UFL1: variants seen among roughly 807,000 people sequenced by gnomAD.
UFL1 encodes the protein UFM1 specific ligase 1, also known as E3 UFM1-protein ligase 1.
UFL1 carries 78 observed loss-of-function variants against 99.3 expected under a neutral mutation model. That is an observed-to-expected ratio of 0.79 (90% confidence interval 0.65 to 0.95). UFL1 has a LOEUF of 0.95. Ranked by LOEUF, UFL1 falls within the 40% of genes least tolerant of loss-of-function variation. The pLI is 0.00. For missense variants in UFL1, 936 were observed against 937.0 expected, an observed-to-expected ratio of 1.00 and a Z score of 0.01; for synonymous variants, 335 against 322.2, an observed-to-expected ratio of 1.04 and a Z score of -0.42.
chr6:96,536,162 A>G (rs1248959013), intron 7 of UFL1, 82 bp from the exon 8 acceptor site: 1 of 1,326,234 alleles, frequency 7.5e-7, no homozygotes, highest in African/African-American at 1.5e-5. Flanking sequence ...AGAATAAGTA[A>G]ATTATGAAAT....
chr6:96,522,499 G>T (rs1769631590), intron 1 of UFL1, among the ~76,000 whole-genome samples: 1 of 152,190 alleles, frequency 6.6e-6, no homozygotes. Context: ...TGGAGGATGT[G>T]TCCAGAGGAG....
In UFL1 at chr6:96,552,470, T is replaced by TG; in HGVS notation, c.1986-12_1986-11insG. 6.5e-7 allele frequency: 1 copy of TG among 1,529,428 alleles called. No individual in the cohort carries two copies. The highest frequency in any genetic ancestry group is 8.7e-7 in the Non-Finnish European group (1 of 1,148,816). 94.7% of individuals were successfully genotyped at this position (1,529,428 alleles called of 1,614,324 possible). ...TATGATAATGAATTTGTGTGCTTTTTTTTTTTTTTAGACAGATACTGTTCC... is the reference window on the plus strand; with the variant it reads ...TATGATAATGAATTTGTGTGCTTTTTGTTTTTTTTTAGACAGATACTGTTCC... On this transcript the variant is annotated splice_polypyrimidine_tract_variant and intron_variant, in intron 17 of 18. Coordinates refer to ENST00000369278, the MANE Select transcript of UFL1 (RefSeq NM_015323.5).
rs181493222 is a variant in UFL1, at chr6:96,553,955, C to T, written c.*452C>T. On this transcript the variant is annotated 3_prime_UTR_variant, in exon 19 of 19. Transcript: ENST00000369278. ...TCTTTTTTTTTTAAAAGAAACACTT[C>T]TGTGTCAGAAATGAAAATAAATCAT... 6.6e-6 allele frequency: 1 copy of T among 151,862 alleles called. No homozygotes were observed. The highest frequency in any genetic ancestry group is 1.5e-5 in the Non-Finnish European group (1 of 68,096). The allele number at this position is 151,862 out of a possible 1,614,324, so 9.4% of individuals were successfully genotyped here.
chr6:96,537,632 A>T, intron 9 of UFL1, 83 bp downstream of exon 9: 1 of 1,350,204 alleles, frequency 7.4e-7, no homozygotes, highest in South Asian at 1.7e-5. Flanking sequence ...AAATTAGGAT[A>T]CATAAAGGTG....
intron 6 of UFL1, among the ~76,000 whole-genome samples, chr6:96,530,840 T>A (rs867585873): frequency 6.6e-6 from 1 of 152,166 alleles, no homozygotes; most frequent in Non-Finnish European, 1.5e-5. Context: ...ACATTACTTA[T>A]CACTATTCGG....
chr6:96,524,779 A>T (rs767811275), intron 3 of UFL1, among the ~76,000 whole-genome samples: 34 of 152,180 alleles, frequency 2.2e-4, no homozygotes, highest in Non-Finnish European at 2.2e-4. Context: ...TTTTTAGTAT[A>T]TGAAAGTAAT....
chr6:96,523,764 A>T (rs1334483151), intron 2 of UFL1, among the ~76,000 whole-genome samples: 3 of 152,190 alleles, frequency 2.0e-5, no homozygotes, highest in African/African-American at 7.2e-5. Flanking sequence ...AAATGCTGTT[A>T]AAAACACGCA....
chr6:96,553,094 C>T (rs1436497364), intron 18 of UFL1, among the ~76,000 whole-genome samples, 191 bp from the exon 19 acceptor site: 1 of 151,992 alleles, frequency 6.6e-6, no homozygotes, highest in South Asian at 2.1e-4. Flanking sequence ...AAGTGATTTG[C>T]ATTCATGTTT....
At chr6:96,522,095 C>T in intron 1 of UFL1, 145 bp downstream of exon 1, 1 of 1,026,348 alleles carries the variant, frequency 9.7e-7, no homozygotes, top group South Asian at 1.6e-5. Context: ...TGTCCCGAGC[C>T]TGGATCGCAG....
intron 17 of UFL1, 77 bp from the exon 18 acceptor site, chr6:96,552,405 C>A: frequency 7.1e-7 from 1 of 1,417,754 alleles, no homozygotes; most frequent in Non-Finnish European, 9.3e-7. Flanking sequence ...TAAAAATTAA[C>A]AGAAAGGGAT....
chr6:96,522,607 G>A (rs1769634218), intron 1 of UFL1, among the ~76,000 whole-genome samples: 1 of 152,128 alleles, frequency 6.6e-6, no homozygotes, highest in Admixed American at 6.5e-5. Flanking sequence ...CCGGAAGACA[G>A]CAATCCCCTT....
In UFL1 at chr6:96,536,181, AT is replaced by A. The variant is rs1769849712; in HGVS notation, c.656-59del. 4.2e-6 allele frequency: 6 copies of A among 1,440,662 alleles called. No individual in the cohort carries two copies. The South Asian group carries it at 9.1e-5, about 22-fold the overall frequency. 89.2% of individuals were successfully genotyped at this position (1,440,662 alleles called of 1,614,324 possible). A position where few individuals can be genotyped will look rare whatever the true frequency, so the allele number is the denominator to read the frequency against. The stretch of plus-strand genomic sequence containing the variant: ...TAAGTAAATTATGAAATAATAAAGT[AT>A]TTTACTTTTTAAGATTTATACCTGG... On this transcript the variant is annotated intron_variant, in intron 7 of 18. Coordinates refer to ENST00000369278, the MANE Select transcript of UFL1 (RefSeq NM_015323.5).
intron 7 of UFL1, 33 bp downstream of exon 7, chr6:96,534,354 A>AG: frequency 6.9e-7 from 1 of 1,451,284 alleles, no homozygotes; most frequent in South Asian, 1.3e-5. Context: ...TTACTTAATT[A>AG]GCTGCTGAAT....
At chr6:96,534,396 T>C in intron 7 of UFL1, 75 bp downstream of exon 7, 1 of 1,174,314 alleles carries the variant, frequency 8.5e-7, no homozygotes, top group Non-Finnish European at 1.2e-6. Context: ...CTAACTTTAA[T>C]GTTTTTTCCT....
At position 96,553,485 on chromosome 6, in the gene UFL1, A is replaced by G; in HGVS notation, c.2367A>G (p.Ser789=). Residue 789 remains serine (S), a synonymous_variant, in exon 19 of 19, where the codon TCA becomes TCG. Coordinates refer to ENST00000369278, the MANE Select transcript of UFL1 (RefSeq NM_015323.5). ...ACCTTGTTCTCAAATCTAGGAAATC[A>G]TCTGTGACGGAAGAGTAATGATCTT... ...IKDLVLKSRK[S]SVTEE is the part of the protein sequence containing the mutation. 4 of 1,613,406 alleles carry G rather than the reference A, an allele frequency of 2.5e-6. No homozygotes were observed. The highest frequency in any genetic ancestry group is 2.5e-6 in the Non-Finnish European group (3 of 1,179,662).
chr6:96,534,781 A>T (rs1218491150), intron 7 of UFL1, among the ~76,000 whole-genome samples: 2 of 151,742 alleles, frequency 1.3e-5, no homozygotes, highest in African/African-American at 2.4e-5. Flanking sequence ...TTTGTTCATT[A>T]TGTTGTTTGT....
At chr6:96,530,177 T>TA (rs1769764483) in intron 6 of UFL1, among the ~76,000 whole-genome samples, 1 of 152,224 alleles carries the variant, frequency 6.6e-6, no homozygotes, top group African/African-American at 2.4e-5. Context: ...CTGGAATACT[T>TA]ACTTGATTTT....
At chr6:96,526,257 A>G in intron 4 of UFL1, 64 bp from the exon 5 acceptor site, 2 of 1,398,044 alleles carry the variant, frequency 1.4e-6, no homozygotes, top group Non-Finnish European at 2.0e-6. Context: ...TTAAACATAA[A>G]ATGAGGAAAC....
intron 11 of UFL1, among the ~76,000 whole-genome samples, chr6:96,541,189 C>T (rs1419563031): frequency 6.6e-6 from 1 of 151,404 alleles, no homozygotes; most frequent in African/African-American, 2.4e-5. Context: ...CACTTTATCA[C>T]CATGATGTGT....
Sources: gnomAD v4.1 joint callset for allele counts (sites outside exome capture counted in the v4.1 genomes callset) on GRCh38, gnomAD v4.1.1 for gene constraint, MANE v1.5 for transcripts, NCBI Gene and HGNC (gene_info 2026-07-23, HGNC 2026-07-21) for gene names.